ZNF521: variants seen among roughly 807,000 people sequenced by gnomAD.
ZNF521 encodes zinc finger protein 521, also known as LYST-interacting protein 3.
In ZNF521, 14 loss-of-function variants were observed where a neutral mutation model predicts 105.5. That is an observed-to-expected ratio of 0.13 (90% CI 0.09 to 0.21). The LOEUF (loss-of-function observed/expected upper bound fraction) is 0.21, where lower values mean the gene tolerates loss of function less well. Ranked by LOEUF, ZNF521 falls within the 10% of genes least tolerant of loss-of-function variation. ZNF521 has a pLI of 1.00. For missense variants in ZNF521, 1,233 were observed against 1,629.7 expected (o/e 0.76, Z 4.19); for synonymous variants, 635 against 606.0 (o/e 1.05, Z -0.70).
chr18:25,145,086 G>C (rs2034918820), intron 5 of ZNF521, among the ~76,000 whole-genome samples: 1 of 152,118 alleles, frequency 6.6e-6, no homozygotes, highest in African/African-American at 2.4e-5. Flanking sequence ...AACTATCTCT[G>C]TAGCCCTGGT....
At chr18:25,326,429 G>A (rs1384186622) in intron 2 of ZNF521, among the ~76,000 whole-genome samples, 1 of 152,202 alleles carries the variant, frequency 6.6e-6, no homozygotes, top group Non-Finnish European at 1.5e-5. Context: ...TATTTCTGCA[G>A]CTCAGTGGTA....
At chr18:25,233,598 T>C (rs753333864) in intron 3 of ZNF521, among the ~76,000 whole-genome samples, 3 of 151,600 alleles carry the variant, frequency 2.0e-5, no homozygotes, top group Non-Finnish European at 4.4e-5. Flanking sequence ...AGAGCGGGAG[T>C]TGGTGGTGCA....
At chr18:25,197,722 C>G (rs2035926300) in intron 4 of ZNF521, among the ~76,000 whole-genome samples, 1 of 151,750 alleles carries the variant, frequency 6.6e-6, no homozygotes, top group Non-Finnish European at 1.5e-5. Context: ...ACTCTAAGCT[C>G]TGGTGCTACA....
intron 3 of ZNF521, among the ~76,000 whole-genome samples, chr18:25,304,128 T>C (rs776148794): frequency 2.6e-5 from 4 of 152,194 alleles, no homozygotes; most frequent in Non-Finnish European, 5.9e-5. Context: ...CAAAGGTTCA[T>C]AGCATAGTAA....
At chr18:25,224,230 C>T in intron 4 of ZNF521, 115 bp downstream of exon 4, 1 of 1,000,348 alleles carries the variant, frequency 1.0e-6, no homozygotes, top group Non-Finnish European at 1.5e-6. Context: ...CACTGCATTT[C>T]AATCTAAGCA....
chr18:25,069,535 A>T (rs2033162104), intron 7 of ZNF521, among the ~76,000 whole-genome samples: 1 of 152,168 alleles, frequency 6.6e-6, no homozygotes, highest in African/African-American at 2.4e-5. Context: ...TGCCCACCCC[A>T]AAGTTTCTAC....
rs147175915 is a variant in ZNF521 at position 25,227,195 on chromosome 18, C to T, written c.723G>A (p.Lys241=). The change falls in exon 4 of 8, where the codon AAG becomes AAA. Residue 241 remains lysine (K), a synonymous_variant. Transcript: ENST00000361524. This position sits in a 1 kb window ranked among gnomAD's most constrained non-coding sequence, Gnocchi z 5.7. Reference sequence around the variant, plus strand: ...GACTGCACTTCTGAGTGTCCTTCATCTTCCAGTCCTCCATCCTGGAACCGG... The same window carrying T: ...GACTGCACTTCTGAGTGTCCTTCATTTTCCAGTCCTCCATCCTGGAACCGG... ...SQSGSRMEDW[K]MKDTQKCSQC... The T allele has an allele frequency of 6.2e-7, 1 of 1,614,186 alleles. No individual in the cohort carries two copies. Among genetic ancestry groups the T allele is most frequent in the African/African-American group, 1.3e-5 (1 of 75,050 alleles).
intron 5 of ZNF521, among the ~76,000 whole-genome samples, chr18:25,093,295 A>C (rs2033786657): frequency 6.6e-6 from 1 of 152,160 alleles, no homozygotes; most frequent in Non-Finnish European, 1.5e-5. Flanking sequence ...TACTTACTAA[A>C]GGGTAGAGGC....
intron 5 of ZNF521, among the ~76,000 whole-genome samples, chr18:25,176,926 C>T (rs1427908999): frequency 6.6e-6 from 1 of 152,230 alleles, no homozygotes; most frequent in Non-Finnish European, 1.5e-5. Flanking sequence ...TGGCGTGGAA[C>T]CTGGTGTTTA....
At chr18:25,334,861 T>A (rs776414454) in intron 2 of ZNF521, among the ~76,000 whole-genome samples, 26 of 152,196 alleles carry the variant, frequency 1.7e-4, no homozygotes, top group Non-Finnish European at 2.6e-4. Context: ...TACCAGTTAG[T>A]GATTTGCTAA....
At chr18:25,263,074 T>C (rs1050039839) in intron 3 of ZNF521, among the ~76,000 whole-genome samples, 9 of 152,218 alleles carry the variant, frequency 5.9e-5, no homozygotes, top group African/African-American at 2.2e-4. Flanking sequence ...AAACCACTAG[T>C]AGTTAGGCAC....
At chr18:25,186,696 C>T (rs567589909) in intron 5 of ZNF521, among the ~76,000 whole-genome samples, 1 of 152,044 alleles carries the variant, frequency 6.6e-6, no homozygotes, top group African/African-American at 2.4e-5. Flanking sequence ...AGAATATTAT[C>T]CAAGTCTTCC....
chr18:25,183,439 G>T (rs977126206), intron 5 of ZNF521, among the ~76,000 whole-genome samples: 1 of 152,144 alleles, frequency 6.6e-6, no homozygotes, highest in African/African-American at 2.4e-5. Context: ...TTAATCCAAA[G>T]AATGTAAATT....
intron 4 of ZNF521, among the ~76,000 whole-genome samples, chr18:25,197,871 T>C (rs948636965): frequency 8.6e-5 from 13 of 151,788 alleles, no homozygotes; most frequent in Non-Finnish European, 1.5e-5. Context: ...TTTTAAGAAA[T>C]AGAACCCCAA....
At chr18:25,330,431 T>G (rs1250712794) in intron 2 of ZNF521, among the ~76,000 whole-genome samples, 1 of 152,202 alleles carries the variant, frequency 6.6e-6, no homozygotes, top group Non-Finnish European at 1.5e-5. Context: ...CCCAAAGTGC[T>G]GGGATTACAG....
chr18:25,207,181 C>A (rs12959389), intron 4 of ZNF521, among the ~76,000 whole-genome samples: 2 of 152,126 alleles, frequency 1.3e-5, no homozygotes, highest in African/African-American at 4.8e-5. Context: ...GTAAGTTCAT[C>A]TATTTCAAAT....
In ZNF521 at chr18:25,225,408, G is replaced by C. The variant is rs1341531797; in HGVS notation, c.2510C>G (p.Thr837Ser). 3 of 1,614,018 alleles carry C rather than the reference G, an allele frequency of 1.9e-6. No individual in the cohort carries two copies. The stretch of plus-strand genomic sequence containing the variant: ...ATTTGTTCCACAGTTGGGTGTCTTG[G>C]TTTCGAATACACAGTGTTTTTCTCG... ...HLREKHCVFE[T>S]KTPNCGTNGA... is the part of the protein sequence containing the mutation. Residue 837 changes from threonine (T) to serine (S), a missense_variant, in exon 4 of 8, where the codon ACC becomes AGC. Physicochemically the swap from Thr to Ser is moderately conservative, Grantham distance 58 (BLOSUM62 1). Around this residue, in one of 6 missense-constraint regions of ZNF521, gnomAD observed 614 missense variants for 751.5 expected, o/e 0.82. Coordinates refer to ENST00000361524, the MANE Select transcript of ZNF521 (RefSeq NM_015461.3). The surrounding 1 kb of genome is among the most constrained non-coding windows in gnomAD (Gnocchi z 5.6).
At chr18:25,340,696 A>G (rs1490665382) in intron 2 of ZNF521, among the ~76,000 whole-genome samples, 1 of 152,222 alleles carries the variant, frequency 6.6e-6, no homozygotes, top group Non-Finnish European at 1.5e-5. Context: ...GACTGTTAAG[A>G]AATGAAGTGA....
chr18:25,178,100 C>T (rs2035565580), intron 5 of ZNF521, among the ~76,000 whole-genome samples: 1 of 152,182 alleles, frequency 6.6e-6, no homozygotes, highest in Non-Finnish European at 1.5e-5. Context: ...TGATGAACAT[C>T]ATAAATCGTA....
Sources: allele counts gnomAD v4.1 joint callset (sites outside exome capture counted in the v4.1 genomes callset), GRCh38; gene constraint gnomAD v4.1.1; regional missense constraint gnomAD v4.1.1; non-coding constraint Gnocchi (gnomAD v3.1); transcripts MANE v1.5; gene names NCBI Gene and HGNC (gene_info 2026-07-23, HGNC 2026-07-21).